Variants in SNX30 observed in about 807,000 individuals in gnomAD.
SNX30 encodes sorting nexin-30.
In SNX30, 24 loss-of-function variants were observed where a neutral mutation model predicts 46.4. That is an observed-to-expected ratio of 0.52 (90% confidence interval 0.37 to 0.73). The LOEUF (loss-of-function observed/expected upper bound fraction) is 0.73. Ranked by LOEUF, SNX30 falls within the 30% of genes least tolerant of loss-of-function variation. The pLI, the probability that SNX30 is intolerant of heterozygous loss-of-function variation, is 0.00. For synonymous variants in SNX30, 189 were observed against 211.5 expected (o/e 0.89, Z 0.92); for missense variants, 533 against 555.7 (o/e 0.96, Z 0.41).
chr9:112,813,679 G>A (rs1342612261), intron 2 of SNX30, among the ~76,000 whole-genome samples: 1 of 151,702 alleles, frequency 6.6e-6, no homozygotes, highest in Non-Finnish European at 1.5e-5. Context: ...TCACCATGTT[G>A]GCCAGGCTGG....
chr9:112,883,514 A>C (rs1039915773), downstream of SNX30, among the ~76,000 whole-genome samples: 1 of 151,270 alleles, frequency 6.6e-6, no homozygotes, highest in African/African-American at 2.4e-5. Flanking sequence ...ATTGTTTGGG[A>C]AGATTAGTTT....
At chr9:112,850,004 G>A (rs1403392724) in intron 6 of SNX30, among the ~76,000 whole-genome samples, 1 of 152,220 alleles carries the variant, frequency 6.6e-6, no homozygotes, top group Non-Finnish European at 1.5e-5. Flanking sequence ...TTGCTTGGTG[G>A]GTTCATAGCA....
chr9:112,841,791 G>A (rs1472311096), intron 6 of SNX30, among the ~76,000 whole-genome samples: 1 of 152,186 alleles, frequency 6.6e-6, no homozygotes, highest in African/African-American at 2.4e-5. Flanking sequence ...TGCTCTGTAA[G>A]AATTTTTAAG....
intron 2 of SNX30, among the ~76,000 whole-genome samples, chr9:112,813,469 A>ATTTTT (rs34581439): frequency 9.1e-5 from 12 of 132,324 alleles, no homozygotes; most frequent in Admixed American, 2.3e-4. Flanking sequence ...ACTGTATTTA[A>ATTTTT]TTTTTTTTTT....
intron 1 of SNX30, among the ~76,000 whole-genome samples, chr9:112,753,165 A>G (rs1839302554): frequency 6.6e-6 from 1 of 152,184 alleles, no homozygotes; most frequent in Non-Finnish European, 1.5e-5. Context: ...GCTACTACAG[A>G]TAGCCATTTA....
At chr9:112,820,475 T>C (rs1840474483) in intron 3 of SNX30, among the ~76,000 whole-genome samples, 1 of 152,316 alleles carries the variant, frequency 6.6e-6, no homozygotes, top group East Asian at 1.9e-4. Flanking sequence ...GGGGAACTTA[T>C]TATCAGTTGG....
intron 1 of SNX30, among the ~76,000 whole-genome samples, chr9:112,756,967 A>G (rs1839360340): frequency 6.6e-6 from 1 of 152,186 alleles, no homozygotes; most frequent in South Asian, 2.1e-4. Flanking sequence ...TCATCATCTC[A>G]TAGTTAACTC....
intron 1 of SNX30, among the ~76,000 whole-genome samples, chr9:112,769,122 G>A (rs1387843254): frequency 6.6e-6 from 1 of 152,108 alleles, no homozygotes; most frequent in Non-Finnish European, 1.5e-5. Context: ...AGGCAATTTG[G>A]CAACATATAT....
chr9:112,763,846 T>TAAA (rs60051703), intron 1 of SNX30, among the ~76,000 whole-genome samples: 5 of 123,578 alleles, frequency 4.0e-5, no homozygotes, highest in East Asian at 2.4e-4. Flanking sequence ...AGACTCTGAC[T>TAAA]AAAAAAAAAA....
Position 112,838,494 on chromosome 9 carries a change from T to G in SNX30, c.815-4T>G. ...ATTTTAATTAGTTTCTGTTCCCTGT[T>G]CAGAGTACCTTGTGGAGCTGAGAGA... On this transcript the variant is annotated splice_polypyrimidine_tract_variant and splice_region_variant and intron_variant, in intron 5 of 8. Coordinates refer to ENST00000374232, the MANE Select transcript of SNX30 (RefSeq NM_001012994.2). 1 of 1,607,552 alleles carries G rather than the reference T, an allele frequency of 6.2e-7. No individual in the cohort carries two copies. Among genetic ancestry groups the G allele is most frequent in the Admixed American group, 1.7e-5 (1 of 58,994 alleles).
At chr9:112,815,369 T>TA (rs1452960218) in intron 2 of SNX30, among the ~76,000 whole-genome samples, 6 of 152,078 alleles carry the variant, frequency 3.9e-5, no homozygotes, top group Middle Eastern at 3.4e-3. Context: ...CTTTTTTTTT[T>TA]TTTTTTTGAG....
At chr9:112,861,884 T>G (rs570175118) in intron 7 of SNX30, among the ~76,000 whole-genome samples, 1 of 152,252 alleles carries the variant, frequency 6.6e-6, no homozygotes, top group Non-Finnish European at 1.5e-5. Context: ...GGCCGCCCCC[T>G]CCATCCTCCT....
At chr9:112,819,529 A>G (rs959373956) in intron 3 of SNX30, among the ~76,000 whole-genome samples, 4 of 151,858 alleles carry the variant, frequency 2.6e-5, no homozygotes, top group Admixed American at 6.6e-5. Context: ...GGCCTCCCAA[A>G]GTGCTGGGAT....
At chr9:112,759,186 C>G (rs913905730) in intron 1 of SNX30, among the ~76,000 whole-genome samples, 2 of 152,040 alleles carry the variant, frequency 1.3e-5, no homozygotes, top group Non-Finnish European at 2.9e-5. Context: ...TTTTGTGACT[C>G]CTCTTTACAA....
rs376339805 is a variant in SNX30, at chr9:112,804,726, C to T, written c.157-50C>T. On this transcript the variant is annotated intron_variant, in intron 1 of 8. Transcript: ENST00000374232. ...GCTAAACCAGCTGCTTTTGCTGATA[C>T]TCTCCAGTATGTTTTCATTTAATTT... 11 of 1,360,652 alleles carry T rather than the reference C, an allele frequency of 8.1e-6. No homozygotes were observed. The African/African-American group carries it at 3.1e-4, about 38-fold the overall frequency. 84.3% of individuals were successfully genotyped at this position (1,360,652 alleles called of 1,614,324 possible).
Position 112,840,632 on chromosome 9 carries a change from C to T in SNX30, c.1014+1935C>T, listed in dbSNP as rs558571107. Among the ~76,000 whole-genome samples, 18 of 151,968 alleles carry T rather than the reference C, an allele frequency of 1.2e-4. No homozygotes were observed. In the South Asian group the frequency reaches 2.7e-3, roughly 23 times the overall value. ...TCCCGAGTAGCTGGGATTACAGGCA[C>T]CCGCCACCACACCCAGCTAATTTTT... On this transcript the variant is annotated intron_variant, in intron 6 of 8. Transcript: ENST00000374232.
At chr9:112,804,389 T>C (rs1840190736) in intron 1 of SNX30, among the ~76,000 whole-genome samples, 1 of 152,170 alleles carries the variant, frequency 6.6e-6, no homozygotes, top group African/African-American at 2.4e-5. Context: ...GGTCTCAAAC[T>C]CGTGACCTCA....
chr9:112,796,814 C>T lies in SNX30; in HGVS notation c.157-7962C>T, dbSNP rs536814101. ...GCCACACTTCTTCACTCCGCCGTGT[C>T]CCATTGCCCTTCCCAGATGTCCCGT... On this transcript the variant is annotated intron_variant, in intron 1 of 8. Transcript: ENST00000374232. Among the ~76,000 whole-genome samples, 6 of 152,266 alleles carry T rather than the reference C, an allele frequency of 3.9e-5. 1 individual carries two copies. In the South Asian group the frequency reaches 6.2e-4, roughly 16 times the overall value.
intron 4 of SNX30, among the ~76,000 whole-genome samples, chr9:112,833,907 G>A (rs181257337): frequency 1.1e-4 from 17 of 152,314 alleles, no homozygotes; most frequent in Non-Finnish European, 1.5e-4. Context: ...TGAAGGAAAC[G>A]AGAGAGGTGG....
Sources: allele counts gnomAD v4.1 joint callset (sites outside exome capture counted in the v4.1 genomes callset), GRCh38; gene constraint gnomAD v4.1.1; transcripts MANE v1.5; gene names NCBI Gene and HGNC (gene_info 2026-07-23, HGNC 2026-07-21).